The following NSUN3 variants were observed in gnomAD, a reference collection of about 807,000 sequenced individuals.
The protein encoded by NSUN3 is NOP2/Sun RNA methyltransferase 3.
Under a neutral mutation model 36.8 loss-of-function variants are expected in NSUN3, and 24 were observed. That is an observed-to-expected ratio of 0.65 (90% confidence interval 0.47 to 0.92). The LOEUF (loss-of-function observed/expected upper bound fraction) is 0.92. Ranked by LOEUF, NSUN3 falls within the 40% of genes least tolerant of loss-of-function variation. The pLI is 0.00. For missense variants in NSUN3, 381 were observed against 392.8 expected (o/e 0.97, Z 0.25); for synonymous variants, 146 against 145.2 (o/e 1.01, Z -0.04).
At chr3:94,087,436 C>G (rs1426975839) in intron 3 of NSUN3, among the ~76,000 whole-genome samples, 2 of 152,192 alleles carry the variant, frequency 1.3e-5, no homozygotes, top group Non-Finnish European at 2.9e-5. Context: ...AGTCTACTTT[C>G]TGTTGGTTCA....
intron 5 of NSUN3, among the ~76,000 whole-genome samples, chr3:94,105,509 A>G (rs961429408): frequency 5.3e-5 from 8 of 152,134 alleles, no homozygotes; most frequent in African/African-American, 1.9e-4. Flanking sequence ...TCTTTAGGAA[A>G]AGATGGTCAT....
At chr3:94,111,412 T>C (rs998964529) in intron 5 of NSUN3, among the ~76,000 whole-genome samples, 1 of 152,178 alleles carries the variant, frequency 6.6e-6, no homozygotes, top group Non-Finnish European at 1.5e-5. Context: ...TCTTCTGTAA[T>C]AAATTAACCT....
chr3:94,091,256 G>GA (rs1179173030), intron 3 of NSUN3, among the ~76,000 whole-genome samples: 1 of 152,148 alleles, frequency 6.6e-6, no homozygotes, highest in Non-Finnish European at 1.5e-5. Flanking sequence ...TCTTGAGAAC[G>GA]AGAGTTCAAA....
chr3:94,124,148 C>CTTTTTTTTTTTT (rs58987431), intron 5 of NSUN3, among the ~76,000 whole-genome samples: 4 of 88,186 alleles, frequency 4.5e-5, no homozygotes, highest in Non-Finnish European at 6.3e-5. Flanking sequence ...TATTTTATTT[C>CTTTTTTTTTTTT]TTTTTTTTTT....
intron 5 of NSUN3, among the ~76,000 whole-genome samples, chr3:94,110,651 T>G (rs2077412197): frequency 6.6e-6 from 1 of 152,088 alleles, no homozygotes; most frequent in Admixed American, 6.6e-5. Context: ...AACAATGATT[T>G]TATTAAATGT....
chr3:94,076,107 C>G (rs2077244614), intron 2 of NSUN3: 2 of 1,450,492 alleles, frequency 1.4e-6, no homozygotes, highest in South Asian at 1.1e-5. Flanking sequence ...GACCCGTCTT[C>G]TGCATCTTCT....
chr3:94,115,713 T>A (rs1209804518), intron 5 of NSUN3, among the ~76,000 whole-genome samples: 1 of 152,192 alleles, frequency 6.6e-6, no homozygotes, highest in Non-Finnish European at 1.5e-5. Flanking sequence ...CTCAGCCCTT[T>A]TTAAATGCAG....
rs986380667 is a variant in NSUN3, at chr3:94,131,025, G to T, written c.*4535G>T. Among the ~76,000 whole-genome samples, 2 of 151,572 alleles carry T rather than the reference G, an allele frequency of 1.3e-5. No individual in the cohort carries two copies. The highest frequency in any genetic ancestry group is 2.9e-5 in the Non-Finnish European group (2 of 67,952). ...CTTCCTGGGTTCAAGTTATCTTTTC[G>T]CCTCAGCCTCCTAAGTAGCCTGGAC... On this transcript the variant is annotated 3_prime_UTR_variant, in exon 6 of 6. Coordinates refer to ENST00000314622, the MANE Select transcript of NSUN3 (RefSeq NM_022072.5).
rs1243581815 is a variant in NSUN3, at chr3:94,131,796, T to C, written c.*5306T>C. 6.6e-6 allele frequency among the ~76,000 whole-genome samples: 1 copy of C among 152,236 alleles called. No homozygotes were observed. The highest frequency in any genetic ancestry group is 2.4e-5 in the African/African-American group (1 of 41,468). ...CGTCCACACGCTGAACAGCCACTACTTTCAGAAATAGACTGAATAAATGTA... is the reference window on the plus strand; with the variant it reads ...CGTCCACACGCTGAACAGCCACTACCTTCAGAAATAGACTGAATAAATGTA... On this transcript the variant is annotated 3_prime_UTR_variant, in exon 6 of 6. Transcript: ENST00000314622.
intron 2 of NSUN3, among the ~76,000 whole-genome samples, chr3:94,073,267 G>A (rs957101201): frequency 2.0e-5 from 3 of 152,134 alleles, no homozygotes; most frequent in Non-Finnish European, 2.9e-5. Context: ...AAACATATGT[G>A]TGCATGTGTC....
chr3:94,079,727 A>G (rs2077260426), intron 2 of NSUN3, among the ~76,000 whole-genome samples: 1 of 151,828 alleles, frequency 6.6e-6, no homozygotes, highest in Admixed American at 6.6e-5. Flanking sequence ...TCAGCTATTG[A>G]TACTTGTGTA....
At chr3:94,095,913 A>ATTTTTTTTT (rs60524751) in intron 5 of NSUN3, among the ~76,000 whole-genome samples, 5 of 124,516 alleles carry the variant, frequency 4.0e-5, no homozygotes, top group East Asian at 2.3e-4. Context: ...AGCCTAGCTA[A>ATTTTTTTTT]TTTTTTTTTT....
rs766684075 is a variant in NSUN3 at position 94,064,418 on chromosome 3, C to G, written c.13-19C>G. 1 of 1,539,130 alleles carries G rather than the reference C, an allele frequency of 6.5e-7. No homozygotes were observed. Among genetic ancestry groups the G allele is most frequent in the Non-Finnish European group, 9.0e-7 (1 of 1,112,370 alleles). On this transcript the variant is annotated intron_variant, in intron 1 of 5. Coordinates refer to ENST00000314622, the MANE Select transcript of NSUN3 (RefSeq NM_022072.5). ...TTGTAATATCACTGTGTGTCAGCAACTTTTTCTTATCGTCATAGCTGAAAG... is the reference window on the plus strand; with the variant it reads ...TTGTAATATCACTGTGTGTCAGCAAGTTTTTCTTATCGTCATAGCTGAAAG...
intron 2 of NSUN3, among the ~76,000 whole-genome samples, chr3:94,074,111 G>A (rs1250088870): frequency 2.0e-5 from 3 of 152,146 alleles, no homozygotes; most frequent in Admixed American, 1.3e-4. Context: ...GATAGTTGTA[G>A]ATGTGTGGTA....
intron 2 of NSUN3, among the ~76,000 whole-genome samples, chr3:94,078,410 T>A (rs2077255066): frequency 6.6e-6 from 1 of 152,216 alleles, no homozygotes; most frequent in East Asian, 1.9e-4. Context: ...TAATGTATAT[T>A]CTGTTGATTT....
In NSUN3 at chr3:94,076,661, C is replaced by T. The variant is rs376927124; in HGVS notation, c.123-7446C>T. The T allele has an allele frequency of 1.8e-4, 196 of 1,098,270 alleles. No individual in the cohort carries two copies. The African/African-American group carries it at 2.6e-3, about 15-fold the overall frequency. The allele number at this position is 1,098,270 out of a possible 1,614,324, so 68.0% of individuals were successfully genotyped here. Reference sequence around the variant, plus strand: ...GCCTTTTTTCTGATGTCCATGGAGACGCAAGTCTGAGTTGCAGTCTCCAGA... The same window carrying T: ...GCCTTTTTTCTGATGTCCATGGAGATGCAAGTCTGAGTTGCAGTCTCCAGA... On this transcript the variant is annotated intron_variant, in intron 2 of 5. Coordinates refer to ENST00000314622, the MANE Select transcript of NSUN3 (RefSeq NM_022072.5).
In NSUN3 at chr3:94,126,456, A is replaced by C; in HGVS notation, c.989A>C (p.Lys330Thr). Residue 330 changes from lysine (K) to threonine (T), a missense_variant, in exon 6 of 6, where the codon AAA becomes ACA. Physicochemically the swap from Lys to Thr is moderately conservative, Grantham distance 78. Transcript: ENST00000314622. ...GKAWGPMYVA[K>T]LKKSWSTGKW The stretch of plus-strand genomic sequence containing the variant: ...GCCTGGGGCCCAATGTATGTAGCCA[A>C]ATTGAAGAAATCATGGAGCACAGGA... The C allele has an allele frequency of 6.2e-7, 1 of 1,610,886 alleles. No individual in the cohort carries two copies. The highest frequency in any genetic ancestry group is 8.5e-7 in the Non-Finnish European group (1 of 1,177,188).
chr3:94,079,575 G>A (rs1424334242), intron 2 of NSUN3, among the ~76,000 whole-genome samples: 3 of 152,102 alleles, frequency 2.0e-5, no homozygotes, highest in African/African-American at 7.2e-5. Context: ...ATCAAATGTA[G>A]ATTTGGTCTT....
intron 5 of NSUN3, among the ~76,000 whole-genome samples, chr3:94,110,281 G>T (rs12233392): frequency 0.12 from 6,199 of 50,474 alleles, 293 homozygotes; most frequent in Non-Finnish European, 0.14. Flanking sequence ...ATAACTTTCA[G>T]TGATAGGAAG....
Sources: gnomAD v4.1 joint callset for allele counts (sites outside exome capture counted in the v4.1 genomes callset) on GRCh38, gnomAD v4.1.1 for gene constraint, MANE v1.5 for transcripts, NCBI Gene and HGNC (gene_info 2026-07-23, HGNC 2026-07-21) for gene names.